The following PAX3 variants were observed in gnomAD, a reference collection of about 807,000 sequenced individuals.
The protein encoded by PAX3 is paired box protein Pax-3.
A neutral mutation model predicts 51.6 loss-of-function variants in PAX3; 14 were observed. That is an observed-to-expected ratio of 0.27 (90% CI 0.18 to 0.42). PAX3 has a LOEUF of 0.42. PAX3 is among the 10% of genes least tolerant of loss of function. The pLI is 1.00. For synonymous variants in PAX3, 280 were observed against 253.4 expected, an observed-to-expected ratio of 1.11 and a Z score of -1.00; for missense variants, 540 against 642.8, an observed-to-expected ratio of 0.84 and a Z score of 1.73.
intron 4 of PAX3, among the ~76,000 whole-genome samples, chr2:222,248,038 G>T (rs925915143): frequency 2.0e-5 from 3 of 152,066 alleles, no homozygotes; most frequent in Admixed American, 2.0e-4. Context: ...CTCTAAATAT[G>T]CATTAAAATG....
At chr2:222,230,418 G>C (rs1305988404) in intron 5 of PAX3, among the ~76,000 whole-genome samples, 1 of 151,086 alleles carries the variant, frequency 6.6e-6, no homozygotes, top group Non-Finnish European at 1.5e-5. Context: ...GTTGGGGGGT[G>C]GGGGGCTAGG....
chr2:222,261,434 G>T (rs185878972), intron 4 of PAX3, among the ~76,000 whole-genome samples: 10 of 152,090 alleles, frequency 6.6e-5, no homozygotes, highest in Non-Finnish European at 2.9e-5. Context: ...ATGTCAATTT[G>T]TATGGAACAT....
chr2:222,226,699 C>T (rs73070501), intron 5 of PAX3, among the ~76,000 whole-genome samples: 7,970 of 150,220 alleles, frequency 0.053, 711 homozygotes, highest in African/African-American at 0.18. Flanking sequence ...CTTTCTCATT[C>T]CCAAGGGTCC....
intron 4 of PAX3, among the ~76,000 whole-genome samples, chr2:222,259,891 C>CT (rs1309138997): frequency 6.6e-6 from 1 of 151,744 alleles, no homozygotes; most frequent in Non-Finnish European, 1.5e-5. Context: ...TCCTCACTTT[C>CT]TTTTTTTAAG....
At position 222,287,395 on chromosome 2, in the gene PAX3, G is replaced by A. The variant is rs372568049; in HGVS notation, c.586+6772C>T. ...CAATACCTGAATTTTCTTCAGAAATGTCTGAAATTCCTTTTCACAATTCCC... is the reference window on the plus strand; with the variant it reads ...CAATACCTGAATTTTCTTCAGAAATATCTGAAATTCCTTTTCACAATTCCC... On this transcript the variant is annotated intron_variant, in intron 4 of 8. Coordinates refer to ENST00000392070, the MANE Select transcript of PAX3 (RefSeq NM_181458.4). 8 of 152,308 alleles carry A rather than the reference G, an allele frequency of 5.3e-5. No individual in the cohort carries two copies. In the South Asian group the frequency reaches 1.2e-3, roughly 24 times the overall value. 9.4% of individuals were successfully genotyped at this position (152,308 alleles called of 1,614,324 possible).
At position 222,214,945 on chromosome 2, in the gene PAX3, A is replaced by G. The variant is rs1391601652; in HGVS notation, c.1173+5195T>C. On this transcript the variant is annotated intron_variant, in intron 7 of 8. Coordinates refer to ENST00000392070, the MANE Select transcript of PAX3 (RefSeq NM_181458.4). Reference sequence around the variant, plus strand: ...ATTTTCTTATTTTGTCATTGGTTTCACTCATAAACCAGAAACTAAAATCTG... The same window carrying G: ...ATTTTCTTATTTTGTCATTGGTTTCGCTCATAAACCAGAAACTAAAATCTG... The G allele has an allele frequency of 6.6e-5, 10 of 152,102 alleles. No individual in the cohort carries two copies. In the East Asian group the frequency reaches 1.9e-3, roughly 29 times the overall value. The allele number at this position is 152,102 out of a possible 1,614,324, so 9.4% of individuals were successfully genotyped here.
At chr2:222,252,287 G>A (rs1693464368) in intron 4 of PAX3, among the ~76,000 whole-genome samples, 1 of 152,136 alleles carries the variant, frequency 6.6e-6, no homozygotes, top group African/African-American at 2.4e-5. Context: ...TATTTGCCTA[G>A]TCTATATGAT....
At chr2:222,205,440 C>T (rs1691468569) in intron 7 of PAX3, among the ~76,000 whole-genome samples, 1 of 152,066 alleles carries the variant, frequency 6.6e-6, no homozygotes, top group Non-Finnish European at 1.5e-5. Flanking sequence ...ATAGAGGGGA[C>T]CAGAGACCAG....
chr2:222,209,072 G>A (rs1452298953), intron 7 of PAX3, among the ~76,000 whole-genome samples: 1 of 152,112 alleles, frequency 6.6e-6, no homozygotes, highest in Non-Finnish European at 1.5e-5. Context: ...CTCCCAAGCA[G>A]AGGAATGTTG....
At chr2:222,238,878 GT>G (rs1454153394) in intron 4 of PAX3, among the ~76,000 whole-genome samples, 1 of 152,220 alleles carries the variant, frequency 6.6e-6, no homozygotes, top group Non-Finnish European at 1.5e-5. Context: ...TCAACTTGAA[GT>G]TTGATGAACC....
At chr2:222,244,559 G>C (rs1428348902) in intron 4 of PAX3, among the ~76,000 whole-genome samples, 2 of 151,978 alleles carry the variant, frequency 1.3e-5, no homozygotes, top group African/African-American at 2.4e-5. Flanking sequence ...CCAGGCATAA[G>C]GGAATAGCAT....
intron 4 of PAX3, among the ~76,000 whole-genome samples, chr2:222,270,349 T>C (rs781338455): frequency 6.6e-6 from 1 of 152,192 alleles, no homozygotes. Flanking sequence ...CTCCCCTCAC[T>C]GGATGCTTTG....
chr2:222,293,288 C>T (rs561553064), intron 4 of PAX3, among the ~76,000 whole-genome samples: 11 of 152,192 alleles, frequency 7.2e-5, no homozygotes, highest in Admixed American at 1.3e-4. Flanking sequence ...TCCCCTCCCC[C>T]CTGCCGTCTC....
rs1487084220 is a variant in PAX3 at position 222,296,989 on chromosome 2, T to C, written c.310A>G (p.Ser104Gly). 1 of 1,613,162 alleles carries C rather than the reference T, an allele frequency of 6.2e-7. No homozygotes were observed. Reference sequence around the variant, plus strand: ...GCCCGCCCGCTCACCTTGGGCTTGCTGCCGCCGATGGCACCAGGACGTATG... The same window carrying C: ...GCCCGCCCGCTCACCTTGGGCTTGCCGCCGCCGATGGCACCAGGACGTATG... ...GSIRPGAIGG[S>G]KPKQVTTPDV... Residue 104 changes from serine to glycine, a missense_variant, in exon 2 of 9, where the codon AGC (serine) becomes GGC (glycine). Ser to Gly is a moderately conservative substitution (Grantham distance 56). Around this residue, in one of 3 missense-constraint regions of PAX3, gnomAD observed 50 missense variants for 109.3 expected, o/e 0.46. Transcript: ENST00000392070.
chr2:222,269,243 C>G (rs963039647), intron 4 of PAX3, among the ~76,000 whole-genome samples: 3 of 152,176 alleles, frequency 2.0e-5, no homozygotes, highest in Admixed American at 6.5e-5. Context: ...TTTTCTTTGA[C>G]TCACTTCAAA....
At chr2:222,218,056 A>G (rs572741890) in intron 7 of PAX3, among the ~76,000 whole-genome samples, 1 of 152,338 alleles carries the variant, frequency 6.6e-6, no homozygotes, top group South Asian at 2.1e-4. Flanking sequence ...CCAAGAGAAC[A>G]TAAATTCCTA....
chr2:222,290,162 C>G (rs895196301), intron 4 of PAX3, among the ~76,000 whole-genome samples: 6 of 152,146 alleles, frequency 3.9e-5, no homozygotes, highest in Non-Finnish European at 8.8e-5. Flanking sequence ...TAAGAGTGCT[C>G]TTTTCATGAT....
intron 7 of PAX3, among the ~76,000 whole-genome samples, chr2:222,203,480 A>G (rs1055415523): frequency 6.6e-6 from 1 of 152,160 alleles, no homozygotes; most frequent in Non-Finnish European, 1.5e-5. Flanking sequence ...TGTGAAGCCT[A>G]CAGAGATTAA....
intron 4 of PAX3, chr2:222,242,751 T>C (rs1172456843): frequency 6.6e-6 from 1 of 152,206 alleles, no homozygotes; most frequent in Non-Finnish European, 1.5e-5. Flanking sequence ...GTGGTTGGTG[T>C]AGGTGGAAAT....
Sources: gnomAD v4.1 joint callset for allele counts (sites outside exome capture counted in the v4.1 genomes callset) on GRCh38, gnomAD v4.1.1 for gene constraint, gnomAD v4.1.1 regional missense constraint, MANE v1.5 for transcripts, NCBI Gene and HGNC (gene_info 2026-07-23, HGNC 2026-07-21) for gene names.